The following SH3BGRL2 variants were observed in gnomAD, a reference collection of about 807,000 sequenced individuals.
The protein encoded by SH3BGRL2 is SH3 domain binding glutamate rich protein like 2.
Under a neutral mutation model 14.8 loss-of-function variants are expected in SH3BGRL2, and 21 were observed. The observed-to-expected ratio is 1.42, with a 90% CI of 1.01 to 2.05. SH3BGRL2 has a LOEUF of 2.05. Ranked by LOEUF, SH3BGRL2 falls within the 30% of genes most tolerant of loss-of-function variation. The pLI is 0.00. For synonymous variants in SH3BGRL2, 50 were observed against 47.8 expected (o/e 1.05, Z -0.19); for missense variants, 147 against 130.8 (o/e 1.12, Z -0.61).
chr6:79,618,023 T>C, the SH3BGRL2 span, among the ~76,000 whole-genome samples: 1 of 152,240 alleles, frequency 6.6e-6, no homozygotes, highest in African/African-American at 2.4e-5. Flanking sequence ...TATGTAATTA[T>C]GTAGATTATT....
chr6:79,676,447 G>C (rs1769883391), intron 2 of SH3BGRL2, among the ~76,000 whole-genome samples: 1 of 151,978 alleles, frequency 6.6e-6, no homozygotes, highest in African/African-American at 2.4e-5. Context: ...ACCTTTGATG[G>C]AGCCCTACAC....
rs187614176 is a variant in SH3BGRL2 at position 79,633,040 on chromosome 6, T to C, written c.45+1534T>C. On this transcript the variant is annotated intron_variant, in intron 1 of 3. Coordinates refer to ENST00000369838, the MANE Select transcript of SH3BGRL2 (RefSeq NM_031469.4). ...GACCAAGTCAAGGTAATGACTTGGC[T>C]TACTCTATTAGTAGGTAGTATATTG... Among the ~76,000 whole-genome samples the C allele has an allele frequency of 8.4e-4, 128 of 152,378 alleles. 1 individual carries two copies. In the Middle Eastern group the frequency reaches 0.041, roughly 49 times the overall value.
rs184271258 is a variant in SH3BGRL2 at position 79,658,355 on chromosome 6, G to A, written c.46-15259G>A. On this transcript the variant is annotated intron_variant, in intron 1 of 3. Transcript: ENST00000369838. Reference sequence around the variant, plus strand: ...CCCTGCCCTGTGTCCAAGTGTTCTCGTTGTTCAGTTCCCACCTATGAGTGA... The same window carrying A: ...CCCTGCCCTGTGTCCAAGTGTTCTCATTGTTCAGTTCCCACCTATGAGTGA... Among the ~76,000 whole-genome samples, 1,264 of 152,184 alleles carry A rather than the reference G, an allele frequency of 8.3e-3. 17 individuals carry two copies. Among genetic ancestry groups the A allele is most frequent in the Non-Finnish European group, 0.013 (851 of 68,018 alleles).
At chr6:79,645,985 T>C (rs1213536872) in intron 1 of SH3BGRL2, among the ~76,000 whole-genome samples, 2 of 152,258 alleles carry the variant, frequency 1.3e-5, no homozygotes, top group Non-Finnish European at 2.9e-5. Flanking sequence ...GATCATACCC[T>C]AAACCAGGGT....
intron 2 of SH3BGRL2, among the ~76,000 whole-genome samples, chr6:79,683,702 C>A (rs146912057): frequency 0.016 from 2,369 of 152,328 alleles, 66 homozygotes; most frequent in African/African-American, 0.054. Flanking sequence ...CCGCCTTGGC[C>A]TCCCAAAGTG....
intron 1 of SH3BGRL2, among the ~76,000 whole-genome samples, chr6:79,664,845 C>T (rs1303091561): frequency 6.6e-6 from 1 of 152,168 alleles, no homozygotes; most frequent in East Asian, 1.9e-4. Context: ...TTAGAAAAAT[C>T]TGTGTAAAGT....
chr6:79,581,559 T>G, the SH3BGRL2 span, among the ~76,000 whole-genome samples: 1 of 152,192 alleles, frequency 6.6e-6, no homozygotes, highest in Admixed American at 6.5e-5. Context: ...TCTCAATAGA[T>G]GCAGAAAAGG....
chr6:79,665,549 T>C (rs902094469), intron 1 of SH3BGRL2, among the ~76,000 whole-genome samples: 1 of 152,096 alleles, frequency 6.6e-6, no homozygotes, highest in Non-Finnish European at 1.5e-5. Flanking sequence ...ATTATAAACA[T>C]GTAAAAAAGA....
At chr6:79,674,983 A>G (rs975956296) in intron 2 of SH3BGRL2, among the ~76,000 whole-genome samples, 2 of 152,158 alleles carry the variant, frequency 1.3e-5, no homozygotes, top group Non-Finnish European at 2.9e-5. Flanking sequence ...TAATATCATT[A>G]TTTTATATTT....
the SH3BGRL2 span, among the ~76,000 whole-genome samples, chr6:79,607,433 C>G: frequency 2.6e-5 from 4 of 152,258 alleles, no homozygotes; most frequent in South Asian, 8.3e-4. Flanking sequence ...CTTCTACTTT[C>G]ATTATCACCA....
chr6:79,703,604 C>T lies in SH3BGRL2; in HGVS notation c.*4095C>T, dbSNP rs1477630566. 1 of 152,122 alleles carries T rather than the reference C, an allele frequency of 6.6e-6. No homozygotes were observed. Among genetic ancestry groups the T allele is most frequent in the African/African-American group, 2.4e-5 (1 of 41,422 alleles). 9.4% of individuals were successfully genotyped at this position (152,122 alleles called of 1,614,324 possible). ...ACCATAGCCTTCTTGTCTTTCATCA[C>T]TTTATCTCCATGTATGTATCCTTAA... is the stretch of plus-strand genomic sequence containing the variant. On this transcript the variant is annotated 3_prime_UTR_variant, in exon 4 of 4. Coordinates refer to ENST00000369838, the MANE Select transcript of SH3BGRL2 (RefSeq NM_031469.4).
chr6:79,638,824 G>A (rs1486066714), intron 1 of SH3BGRL2, among the ~76,000 whole-genome samples: 1 of 151,982 alleles, frequency 6.6e-6, no homozygotes, highest in Non-Finnish European at 1.5e-5. Flanking sequence ...TGGGTTCCTT[G>A]TATATTTTCA....
the SH3BGRL2 span, among the ~76,000 whole-genome samples, chr6:79,583,347 G>A: frequency 6.6e-6 from 1 of 152,134 alleles, no homozygotes; most frequent in African/African-American, 2.4e-5. Flanking sequence ...GTTTATTGCG[G>A]CACTATTTAC....
chr6:79,699,465 T>A, intron 3 of SH3BGRL2, 33 bp from the exon 4 acceptor site: 3 of 235,098 alleles, frequency 1.3e-5, no homozygotes, highest in Non-Finnish European at 1.6e-5. Context: ...ATAACTGACT[T>A]TTTTTTTTTT....
chr6:79,621,738 T>A, the SH3BGRL2 span, among the ~76,000 whole-genome samples: 1 of 152,146 alleles, frequency 6.6e-6, no homozygotes, highest in Non-Finnish European at 1.5e-5. Flanking sequence ...TAACCCGTCG[T>A]GGCTCTCCCA....
chr6:79,619,172 C>T, the SH3BGRL2 span, among the ~76,000 whole-genome samples: 3 of 151,994 alleles, frequency 2.0e-5, no homozygotes, highest in Non-Finnish European at 4.4e-5. Flanking sequence ...CATATCTGCT[C>T]CACCCTGCCT....
the SH3BGRL2 span, among the ~76,000 whole-genome samples, chr6:79,544,499 G>A: frequency 4.6e-5 from 7 of 152,016 alleles, no homozygotes; most frequent in African/African-American, 1.5e-4. Flanking sequence ...AATCAACCAC[G>A]GTGAAAATAT....
the SH3BGRL2 span, among the ~76,000 whole-genome samples, chr6:79,551,403 A>G: frequency 6.6e-6 from 1 of 152,184 alleles, no homozygotes; most frequent in Admixed American, 6.5e-5. Flanking sequence ...AGTGAGGTCC[A>G]CAAACAAGAA....
At chr6:79,635,486 G>A (rs761195053) in intron 1 of SH3BGRL2, among the ~76,000 whole-genome samples, 4 of 152,202 alleles carry the variant, frequency 2.6e-5, no homozygotes, top group Non-Finnish European at 5.9e-5. Context: ...TCTGTATTAG[G>A]TGATGTAAGG....
Sources: allele counts gnomAD v4.1 joint callset (sites outside exome capture counted in the v4.1 genomes callset), GRCh38; gene constraint gnomAD v4.1.1; transcripts MANE v1.5; gene names NCBI Gene and HGNC (gene_info 2026-07-23, HGNC 2026-07-21).